The following ZNF536 variants were observed in gnomAD, a reference collection of about 807,000 sequenced individuals.
ZNF536 encodes the protein zinc finger protein 536.
A neutral mutation model predicts 84.5 loss-of-function variants in ZNF536; 13 were observed. The ratio of observed to expected loss-of-function variants is 0.15; its 90% CI spans 0.10 to 0.24. The LOEUF is 0.24. ZNF536 is among the 10% of genes least tolerant of loss of function. The pLI is 1.00. For synonymous variants in ZNF536, 811 were observed against 742.5 expected (o/e 1.09, Z -1.50); for missense variants, 1,536 against 1,747.5 (o/e 0.88, Z 2.16).
chr19:30,608,172 A>G (rs1362290216), intron 1 of ZNF536, among the ~76,000 whole-genome samples: 1 of 152,202 alleles, frequency 6.6e-6, no homozygotes, highest in African/African-American at 2.4e-5. Context: ...CAAAATTCTA[A>G]ATGGTATGAC....
intron 2 of ZNF536, among the ~76,000 whole-genome samples, chr19:30,489,926 T>G (rs1460080704): frequency 6.6e-6 from 1 of 152,254 alleles, no homozygotes; most frequent in Non-Finnish European, 1.5e-5. Flanking sequence ...TGGTACTTGG[T>G]CATAGATTGC....
intron 1 of ZNF536, among the ~76,000 whole-genome samples, chr19:30,279,819 A>G (rs1373883546): frequency 1.3e-5 from 2 of 152,158 alleles, no homozygotes; most frequent in Admixed American, 1.3e-4. Flanking sequence ...GCTCTAAACC[A>G]TGTCCTTCCC....
intron 2 of ZNF536, among the ~76,000 whole-genome samples, chr19:30,508,412 C>T (rs964131104): frequency 1.3e-5 from 2 of 152,104 alleles, no homozygotes; most frequent in African/African-American, 4.8e-5. Flanking sequence ...TTCTTCAGTC[C>T]CACTGCCTGG....
At chr19:30,579,260 G>A (rs1003718103) in intron 1 of ZNF536, among the ~76,000 whole-genome samples, 10 of 152,196 alleles carry the variant, frequency 6.6e-5, no homozygotes, top group Non-Finnish European at 1.3e-4. Context: ...ATAGCAGTTA[G>A]CTACTGCCGT....
At chr19:30,700,723 A>G (rs1012175430) in intron 1 of ZNF536, among the ~76,000 whole-genome samples, 7 of 152,196 alleles carry the variant, frequency 4.6e-5, no homozygotes, top group African/African-American at 1.7e-4. Flanking sequence ...TAAGAGGTCA[A>G]TGTATCAAAT....
intron 2 of ZNF536, among the ~76,000 whole-genome samples, chr19:30,476,146 C>T (rs982817657): frequency 1.3e-5 from 2 of 152,148 alleles, no homozygotes; most frequent in African/African-American, 2.4e-5. Flanking sequence ...CAGCCTTTTC[C>T]TCCCTGGGGT....
chr19:30,659,981 GTT>G (rs3028504), intron 1 of ZNF536, among the ~76,000 whole-genome samples: 2 of 142,450 alleles, frequency 1.4e-5, no homozygotes, highest in Non-Finnish European at 3.0e-5. Context: ...GTGTGTGTGT[GTT>G]TGTATGTGTT....
intron 1 of ZNF536, among the ~76,000 whole-genome samples, chr19:30,610,153 A>G (rs983863821): frequency 1.1e-4 from 17 of 152,384 alleles, no homozygotes; most frequent in Middle Eastern, 3.4e-3. Flanking sequence ...TAGTGGAAGT[A>G]ACAAGCAAGG....
chr19:30,486,623 G>A (rs2054311959), intron 2 of ZNF536, among the ~76,000 whole-genome samples: 1 of 152,160 alleles, frequency 6.6e-6, no homozygotes, highest in Non-Finnish European at 1.5e-5. Context: ...ACCTAGTAAT[G>A]AGATTGCTGG....
chr19:30,662,383 A>G (rs1182160795), intron 1 of ZNF536, among the ~76,000 whole-genome samples: 2 of 152,180 alleles, frequency 1.3e-5, no homozygotes, highest in African/African-American at 2.4e-5. Flanking sequence ...CATTTTGCAC[A>G]TTCCGATCTC....
At chr19:30,546,188 A>T (rs1319255540) in intron 3 of ZNF536, among the ~76,000 whole-genome samples, 1 of 152,204 alleles carries the variant, frequency 6.6e-6, no homozygotes, top group Non-Finnish European at 1.5e-5. Flanking sequence ...ATGTCTACAT[A>T]GCAGTAGCTC....
intron 1 of ZNF536, among the ~76,000 whole-genome samples, chr19:30,431,992 C>CGT (rs2051483639): frequency 6.9e-6 from 1 of 144,536 alleles, no homozygotes; most frequent in African/African-American, 2.6e-5. Flanking sequence ...TCATTAAAAG[C>CGT]ATATATATAT....
At chr19:30,369,067 C>G (rs1054029111), upstream of ZNF536, among the ~76,000 whole-genome samples, 3 of 152,196 alleles carry the variant, frequency 2.0e-5, no homozygotes, top group African/African-American at 7.2e-5. Context: ...ACTGTCCACG[C>G]AGACGCCACA....
upstream of ZNF536, among the ~76,000 whole-genome samples, chr19:30,226,596 C>T (rs927003277): frequency 6.6e-6 from 1 of 152,082 alleles, no homozygotes; most frequent in Non-Finnish European, 1.5e-5. The surrounding 1 kb of genome is among the most constrained non-coding windows in gnomAD (Gnocchi z 4.6). Flanking sequence ...GGCCGTGGCG[C>T]CTGCAAGCGC....
At chr19:30,481,318 TCTC>T (rs2054078170) in intron 2 of ZNF536, among the ~76,000 whole-genome samples, 1 of 152,198 alleles carries the variant, frequency 6.6e-6, no homozygotes, top group African/African-American at 2.4e-5. Context: ...TCTTTTCAAA[TCTC>T]ATCTCTCTGG....
intron 1 of ZNF536, among the ~76,000 whole-genome samples, chr19:30,385,347 TGCCTGGG>T (rs1192036844): frequency 1.3e-5 from 2 of 152,154 alleles, no homozygotes; most frequent in Non-Finnish European, 2.9e-5. Context: ...AGGGGCCACC[TGCCTGGG>T]GCCTGGGTGC....
At chr19:30,258,874 C>G (rs969130061) in intron 1 of ZNF536, among the ~76,000 whole-genome samples, 1 of 151,868 alleles carries the variant, frequency 6.6e-6, no homozygotes, top group Non-Finnish European at 1.5e-5. Context: ...TGCACCACCA[C>G]GCCTGGCTAA....
At chr19:30,684,429 G>T (rs1453540024) in intron 1 of ZNF536, among the ~76,000 whole-genome samples, 1 of 152,154 alleles carries the variant, frequency 6.6e-6, no homozygotes, top group Non-Finnish European at 1.5e-5. Context: ...GAGCCACCGC[G>T]TCTTGGCCTC....
chr19:30,500,471 A>T, intron 2 of ZNF536, among the ~76,000 whole-genome samples: 2 of 152,008 alleles, frequency 1.3e-5, no homozygotes, highest in East Asian at 3.9e-4. Context: ...CTAGAATCTC[A>T]GCAAGATGCA....
Sources: gnomAD v4.1 joint callset for allele counts (sites outside exome capture counted in the v4.1 genomes callset) on GRCh38, gnomAD v4.1.1 for gene constraint, Gnocchi (gnomAD v3.1) non-coding constraint, MANE v1.5 for transcripts, NCBI Gene and HGNC (gene_info 2026-07-23, HGNC 2026-07-21) for gene names.